The following ILRUN variants were observed in gnomAD, a reference collection of about 807,000 sequenced individuals.
ILRUN encodes the protein protein ILRUN.
In ILRUN, 3 loss-of-function variants were observed where a neutral mutation model predicts 33.8. The ratio of observed to expected loss-of-function variants is 0.09; its 90% CI spans 0.04 to 0.23. The LOEUF is 0.23. Ranked by LOEUF, ILRUN falls within the 10% of genes least tolerant of loss-of-function variation. ILRUN has a pLI of 1.00. For synonymous variants in ILRUN, 124 were observed against 138.9 expected (o/e 0.89, Z 0.75); for missense variants, 210 against 375.1 (o/e 0.56, Z 3.64).
At chr6:34,661,982 G>A (rs1027698399) in intron 1 of ILRUN, among the ~76,000 whole-genome samples, 2 of 151,962 alleles carry the variant, frequency 1.3e-5, no homozygotes, top group African/African-American at 2.4e-5. Flanking sequence ...AAAATTAGCC[G>A]GGCGTGGTGG....
At position 34,678,646 on chromosome 6, in the gene ILRUN, G is replaced by C. The variant is rs551838421; in HGVS notation, c.158+17800C>G. On this transcript the variant is annotated intron_variant, in intron 1 of 4. Transcript: ENST00000374023. ...GTGGATCACGAGGTCAGGAGATAGA[G>C]ACCATCCTGGCTAACACGGTGAAAC... Among the ~76,000 whole-genome samples, 161 of 151,728 alleles carry C rather than the reference G, an allele frequency of 1.1e-3. 1 individual carries two copies. Among genetic ancestry groups the C allele is most frequent in the African/African-American group, 3.7e-3 (152 of 41,434 alleles).
chr6:34,691,843 C>T (rs1220372112), intron 1 of ILRUN, among the ~76,000 whole-genome samples: 2 of 151,932 alleles, frequency 1.3e-5, no homozygotes, highest in African/African-American at 2.4e-5. Flanking sequence ...TAAGACCAAA[C>T]AAAATATGTG....
intron 3 of ILRUN, among the ~76,000 whole-genome samples, chr6:34,620,480 A>G (rs1014948539): frequency 6.6e-6 from 1 of 152,236 alleles, no homozygotes; most frequent in Non-Finnish European, 1.5e-5. Flanking sequence ...TAACAATGAC[A>G]GCAAATTGAA....
At position 34,588,034 on chromosome 6, in the gene ILRUN, A is replaced by G. The variant is rs748654952; in HGVS notation, c.*2531T>C. The G allele has an allele frequency of 5.5e-5, 22 of 398,622 alleles. No individual in the cohort carries two copies. Among genetic ancestry groups the G allele is most frequent in the Middle Eastern group, 6.2e-4 (1 of 1,610 alleles). 24.7% of individuals were successfully genotyped at this position (398,622 alleles called of 1,614,324 possible). On this transcript the variant is annotated 3_prime_UTR_variant, in exon 5 of 5. Transcript: ENST00000374023. ...CCACTACCACCCCACTAGGCAGGGG[A>G]GCAGAGAGGGGCCCTAGGCATTGCT...
intron 3 of ILRUN, among the ~76,000 whole-genome samples, chr6:34,645,389 T>TG (rs1055990941): frequency 1.3e-5 from 2 of 152,182 alleles, no homozygotes; most frequent in African/African-American, 4.8e-5. Context: ...TGTTTTGTTT[T>TG]TTTGAGACAG....
intron 2 of ILRUN, among the ~76,000 whole-genome samples, chr6:34,650,380 A>C (rs1341715395): frequency 6.6e-6 from 1 of 151,470 alleles, no homozygotes; most frequent in African/African-American, 2.4e-5. Context: ...CTTAAAAAAT[A>C]TTAGGAGCTT....
Position 34,652,760 on chromosome 6 carries a change from T to C in ILRUN, c.313+1865A>G, listed in dbSNP as rs575545517. On this transcript the variant is annotated intron_variant, in intron 2 of 4. Coordinates refer to ENST00000374023, the MANE Select transcript of ILRUN (RefSeq NM_024294.4). ...TCAGAATTTTTCTCTGAAGTTCTCA[T>C]TAATAATAAGAAAGTTAAAACACCT... Among the ~76,000 whole-genome samples the C allele has an allele frequency of 1.1e-4, 17 of 152,274 alleles. No individual in the cohort carries two copies. In the South Asian group the frequency reaches 2.1e-3, roughly 19 times the overall value.
chr6:34,686,889 G>A, intron 1 of ILRUN: 2 of 244 alleles, frequency 8.2e-3, no homozygotes, highest in African/African-American at 0.018. Context: ...CCGGAAGGCG[G>A]AGCTTGCAGA....
At chr6:34,606,464 G>C in intron 4 of ILRUN, 91 bp downstream of exon 4, 2 of 992,440 alleles carry the variant, frequency 2.0e-6, no homozygotes, top group Non-Finnish European at 1.5e-6. Flanking sequence ...CCTCTGGGGA[G>C]CGGCAGTCTA....
At chr6:34,648,556 G>C (rs543286104) in intron 2 of ILRUN, among the ~76,000 whole-genome samples, 1 of 152,326 alleles carries the variant, frequency 6.6e-6, no homozygotes, top group Non-Finnish European at 1.5e-5. Context: ...GGCAACCACT[G>C]CTGGAGGAAA....
intron 1 of ILRUN, among the ~76,000 whole-genome samples, chr6:34,660,364 G>GA (rs796855164): frequency 1.3e-3 from 183 of 139,014 alleles, no homozygotes; most frequent in East Asian, 5.3e-3. Flanking sequence ...GATTCTCAAG[G>GA]AAAAAAAAAA....
In ILRUN at chr6:34,614,429, AAT is replaced by A. The variant is rs1761826740; in HGVS notation, c.512-7527_512-7526del. On this transcript the variant is annotated intron_variant, in intron 3 of 4. Transcript: ENST00000374023. ...AGAGCAAGACTCCATCTCAAAAAAT[AAT>A]AAAAAAAAAAAAATATATATATATA... 1.7e-5 allele frequency among the ~76,000 whole-genome samples: 2 copies of A among 114,706 alleles called. 1 individual carries two copies. The highest frequency in any genetic ancestry group is 8.8e-5 in the African/African-American group (2 of 22,832). 75.3% of individuals were successfully genotyped at this position (114,706 alleles called of 152,430 possible).
intron 3 of ILRUN, among the ~76,000 whole-genome samples, chr6:34,608,645 G>T (rs1761682868): frequency 6.6e-6 from 1 of 152,082 alleles, no homozygotes; most frequent in African/African-American, 2.4e-5. Context: ...CTAGGTAACA[G>T]GAATTTTTCA....
chr6:34,681,921 C>T (rs1763366236), intron 1 of ILRUN, among the ~76,000 whole-genome samples: 1 of 145,394 alleles, frequency 6.9e-6, no homozygotes, highest in South Asian at 2.2e-4. Flanking sequence ...GCTGCGACCT[C>T]AGCTCACTGC....
chr6:34,607,092 T>C (rs1302374536), intron 3 of ILRUN, among the ~76,000 whole-genome samples, 188 bp from the exon 4 acceptor site: 3 of 152,236 alleles, frequency 2.0e-5, no homozygotes, highest in Non-Finnish European at 4.4e-5. Flanking sequence ...TTTTTGGTAA[T>C]GTCAAATTCA....
At chr6:34,660,436 T>C (rs1280294574) in intron 1 of ILRUN, among the ~76,000 whole-genome samples, 1 of 151,020 alleles carries the variant, frequency 6.6e-6, no homozygotes, top group Non-Finnish European at 1.5e-5. Context: ...ACACAAATTA[T>C]TTATGAGAAA....
At chr6:34,593,548 T>A (rs1761337533) in intron 4 of ILRUN, among the ~76,000 whole-genome samples, 1 of 152,242 alleles carries the variant, frequency 6.6e-6, no homozygotes, top group African/African-American at 2.4e-5. Context: ...CAGTGTGGCA[T>A]TTAACTAGTT....
At chr6:34,596,042 C>T in intron 4 of ILRUN, 3 of 598,116 alleles carry the variant, frequency 5.0e-6, no homozygotes, top group Non-Finnish European at 6.3e-6. Flanking sequence ...GCTCACAGGC[C>T]TGGCCTGGCT....
chr6:34,694,675 C>T (rs1018342755), intron 1 of ILRUN, among the ~76,000 whole-genome samples: 2 of 152,064 alleles, frequency 1.3e-5, no homozygotes, highest in Admixed American at 6.6e-5. Context: ...GTTTTCTAAA[C>T]ATCTAGAAAT....
Sources: allele counts gnomAD v4.1 joint callset (sites outside exome capture counted in the v4.1 genomes callset), GRCh38; gene constraint gnomAD v4.1.1; transcripts MANE v1.5; gene names NCBI Gene and HGNC (gene_info 2026-07-23, HGNC 2026-07-21).